Variants in TP63 observed in about 807,000 individuals in gnomAD.
The protein encoded by TP63 is tumor protein 63.
A neutral mutation model predicts 82.8 loss-of-function variants in TP63; 17 were observed. The ratio of observed to expected loss-of-function variants is 0.21; its 90% CI spans 0.14 to 0.31. The LOEUF (loss-of-function observed/expected upper bound fraction) is 0.31. Among genes scored for constraint, TP63 ranks in the 10% least tolerant of loss-of-function variants. The pLI is 1.00. For missense variants in TP63, 648 were observed against 895.3 expected, an observed-to-expected ratio of 0.72 and a Z score of 3.52; for synonymous variants, 330 against 321.7, an observed-to-expected ratio of 1.03 and a Z score of -0.28.
At chr3:189,688,088 G>A (rs1048006562) in intron 1 of TP63, among the ~76,000 whole-genome samples, 1 of 152,010 alleles carries the variant, frequency 6.6e-6, no homozygotes, top group Non-Finnish European at 1.5e-5. Context: ...ATATTAAAAA[G>A]CCCAGAAATA....
At chr3:189,756,673 G>T (rs1722214714) in intron 3 of TP63, among the ~76,000 whole-genome samples, 1 of 152,182 alleles carries the variant, frequency 6.6e-6, no homozygotes. Context: ...TTATTGCCTA[G>T]GGGAAGGTGT....
At chr3:189,878,385 C>CTTTTTTTTTTTTTTTTTTTT (rs1203096619) in intron 10 of TP63, among the ~76,000 whole-genome samples, 1 of 107,698 alleles carries the variant, frequency 9.3e-6, no homozygotes, top group Non-Finnish European at 1.9e-5. Context: ...TTACAGTTTC[C>CTTTTTTTTTTTTTTTTTTTT]TTTTTTTTTT....
chr3:189,813,326 T>A (rs796395000), intron 4 of TP63, among the ~76,000 whole-genome samples: 6 of 152,282 alleles, frequency 3.9e-5, no homozygotes, highest in South Asian at 4.1e-4. Context: ...TTCTCTGTAC[T>A]GATAAGGAAA....
intron 4 of TP63, among the ~76,000 whole-genome samples, chr3:189,855,160 G>A (rs1716128355): frequency 6.6e-6 from 1 of 152,044 alleles, no homozygotes; most frequent in Non-Finnish European, 1.5e-5. Context: ...ACGTGTTTCT[G>A]GAAACTGATA....
At chr3:189,774,281 A>AAACAAG (rs752926263) in intron 3 of TP63, among the ~76,000 whole-genome samples, 43 of 152,196 alleles carry the variant, frequency 2.8e-4, no homozygotes, top group Non-Finnish European at 4.9e-4. Flanking sequence ...ACAAAAACAA[A>AAACAAG]AAAACCAAGT....
intron 4 of TP63, among the ~76,000 whole-genome samples, chr3:189,855,922 C>T (rs73199768): frequency 0.1 from 15,374 of 151,898 alleles, 972 homozygotes; most frequent in Middle Eastern, 0.17. Context: ...GTAACGGCTT[C>T]TCATAGTGAC....
intron 4 of TP63, among the ~76,000 whole-genome samples, chr3:189,808,728 C>T (rs561640564): frequency 6.6e-6 from 1 of 152,330 alleles, no homozygotes; most frequent in South Asian, 2.1e-4. Context: ...CAAACGTCTG[C>T]GTTCTAGCCA....
At chr3:189,676,609 T>C (rs1004009902) in intron 1 of TP63, among the ~76,000 whole-genome samples, 8 of 151,870 alleles carry the variant, frequency 5.3e-5, no homozygotes, top group African/African-American at 1.9e-4. Context: ...AAAAATAGAC[T>C]TAGGGAGTAC....
intron 1 of TP63, among the ~76,000 whole-genome samples, chr3:189,664,358 A>G (rs954040268): frequency 1.3e-5 from 2 of 152,172 alleles, no homozygotes; most frequent in African/African-American, 4.8e-5. Context: ...TTACATAGAA[A>G]TATTTTTTCA....
intron 1 of TP63, among the ~76,000 whole-genome samples, chr3:189,729,438 A>G (rs371228262): frequency 3.3e-5 from 5 of 152,182 alleles, no homozygotes; most frequent in Non-Finnish European, 4.4e-5. Context: ...TCAGGAGAGA[A>G]AAGATTTCTG....
chr3:189,691,596 G>A (rs1478929625), intron 1 of TP63, among the ~76,000 whole-genome samples: 1 of 152,050 alleles, frequency 6.6e-6, no homozygotes, highest in African/African-American at 2.4e-5. Context: ...AATGTTTCTT[G>A]GGGGCCAAAA....
chr3:189,627,311 C>A (rs1474137669), upstream of TP63, among the ~76,000 whole-genome samples: 1 of 152,072 alleles, frequency 6.6e-6, no homozygotes, highest in Non-Finnish European at 1.5e-5. Flanking sequence ...TTCTTAATAG[C>A]TAAACAAACA....
chr3:189,880,871 G>A (rs1054826014), intron 10 of TP63: 26 of 985,234 alleles, frequency 2.6e-5, no homozygotes, highest in Non-Finnish European at 2.9e-5. Context: ...CTCTGCCACT[G>A]TATGTTGGCA....
chr3:189,842,327 G>A (rs1200685474), intron 4 of TP63, among the ~76,000 whole-genome samples: 1 of 152,120 alleles, frequency 6.6e-6, no homozygotes, highest in East Asian at 1.9e-4. Flanking sequence ...AAGAGAAGAG[G>A]TACAGGAATG....
chr3:189,798,165 C>A (rs2108612801), intron 3 of TP63, among the ~76,000 whole-genome samples: 1 of 152,128 alleles, frequency 6.6e-6, no homozygotes. Flanking sequence ...ATATCTTCAC[C>A]TAGGAATATA....
intron 3 of TP63, among the ~76,000 whole-genome samples, chr3:189,784,991 T>G (rs1048983077): frequency 3.9e-5 from 6 of 152,088 alleles, no homozygotes; most frequent in Non-Finnish European, 8.8e-5. Context: ...GGTTTTGTTC[T>G]GCAGCAGCCT....
At chr3:189,633,425 A>G (rs1029202088) in intron 1 of TP63, among the ~76,000 whole-genome samples, 6 of 151,736 alleles carry the variant, frequency 4.0e-5, no homozygotes, top group Admixed American at 6.6e-5. Flanking sequence ...GTTCCCCTCT[A>G]TGTGTCCATG....
At chr3:189,621,475 TATATACA>T in the TP63 span, among the ~76,000 whole-genome samples, 1 of 151,954 alleles carries the variant, frequency 6.6e-6, no homozygotes, top group Non-Finnish European at 1.5e-5. Context: ...CATGCATACT[TATATACA>T]TATTTATTAT....
rs142915693 is a variant in TP63, at chr3:189,819,683, T to G, written c.579+11157T>G. Among the ~76,000 whole-genome samples, 11 of 152,110 alleles carry G rather than the reference T, an allele frequency of 7.2e-5. No individual in the cohort carries two copies. In the East Asian group the frequency reaches 2.1e-3, roughly 29 times the overall value. ...TCAACATCCAAGAGTTACCAAAAGA[T>G]ACTTCATTCTTTAGATTTTTATTGT... On this transcript the variant is annotated intron_variant, in intron 4 of 13. Transcript: ENST00000264731.
Sources: gnomAD v4.1 joint callset for allele counts (sites outside exome capture counted in the v4.1 genomes callset) on GRCh38, gnomAD v4.1.1 for gene constraint, MANE v1.5 for transcripts, NCBI Gene and HGNC (gene_info 2026-07-23, HGNC 2026-07-21) for gene names.